Variants in IL1RAP observed in about 807,000 individuals in gnomAD.
IL1RAP encodes the protein interleukin 1 receptor accessory protein.
IL1RAP carries 35 observed loss-of-function variants against 60.7 expected under a neutral mutation model. The observed-to-expected ratio is 0.58, with a 90% confidence interval of 0.44 to 0.76. The LOEUF (loss-of-function observed/expected upper bound fraction) is 0.76. Among genes scored for constraint, IL1RAP ranks in the 30% least tolerant of loss-of-function variants. The probability of loss-of-function intolerance (pLI) is 0.00; values close to 1 mark genes in which losing one functional copy is unlikely to be tolerated. For synonymous variants in IL1RAP, 268 were observed against 250.9 expected (o/e 1.07, Z -0.64); for missense variants, 572 against 693.9 (o/e 0.82, Z 1.97).
At chr3:190,572,404 GAGA>G (rs1300482139) in intron 3 of IL1RAP, among the ~76,000 whole-genome samples, 10 of 152,046 alleles carry the variant, frequency 6.6e-5, no homozygotes, top group African/African-American at 2.4e-4. Flanking sequence ...TAAGAAAAAA[GAGA>G]AGAAGGAGAG....
intron 9 of IL1RAP, 102 bp from the exon 10 acceptor site, chr3:190,644,146 T>G (rs1577816819): frequency 4.0e-6 from 6 of 1,483,348 alleles, no homozygotes; most frequent in South Asian, 1.4e-5. Flanking sequence ...CATAGGCAGG[T>G]GCATAGCTAA....
intron 1 of IL1RAP, among the ~76,000 whole-genome samples, chr3:190,541,809 C>T (rs11917184): frequency 0.015 from 2,265 of 152,222 alleles, 51 homozygotes; most frequent in African/African-American, 0.052. Flanking sequence ...CAACAACCAT[C>T]ATTATCACTT....
intron 1 of IL1RAP, among the ~76,000 whole-genome samples, chr3:190,520,933 T>G (rs1192318824): frequency 1.3e-5 from 2 of 152,202 alleles, no homozygotes; most frequent in Admixed American, 6.5e-5. Context: ...CTTAAAATTG[T>G]GTTTCCATAA....
chr3:190,636,948 G>T (rs935214349), intron 9 of IL1RAP, among the ~76,000 whole-genome samples: 1 of 151,626 alleles, frequency 6.6e-6, no homozygotes, highest in Non-Finnish European at 1.5e-5. Context: ...CTTTTTGTTT[G>T]GGGCTTGTTT....
rs945591422 is a variant in IL1RAP at position 190,522,495 on chromosome 3, A to G, written c.-89+8276A>G. 3.3e-5 allele frequency among the ~76,000 whole-genome samples: 5 copies of G among 152,040 alleles called. No homozygotes were observed. In the East Asian group the frequency reaches 9.7e-4, roughly 30 times the overall value. ...TATTAATAAGGTTCAAGTAAGAAAA[A>G]ATATATTAAGCCTCTAGCTTTTAAT... On this transcript the variant is annotated intron_variant, in intron 1 of 11. Coordinates refer to ENST00000447382, the MANE Select transcript of IL1RAP (RefSeq NM_002182.4).
intron 3 of IL1RAP, among the ~76,000 whole-genome samples, chr3:190,583,439 T>G (rs1333973710): frequency 6.6e-6 from 1 of 152,268 alleles, no homozygotes; most frequent in Non-Finnish European, 1.5e-5. Context: ...ATGTAGTTAC[T>G]GATCTCTGTT....
chr3:190,625,269 C>A (rs996735364), intron 7 of IL1RAP: 1 of 152,098 alleles, frequency 6.6e-6, no homozygotes, highest in Non-Finnish European at 1.5e-5. Flanking sequence ...ATGGAGTCCT[C>A]TTTGGGGTAG....
rs1200775636 is a variant in IL1RAP, at chr3:190,572,859, GTT to G, written c.64+8527_64+8528del. ...TCAGCATGTCCAGGGTTAATGCTTT[GTT>G]TTTTTTTTTTTTTTTTTTTTGAGAC... On this transcript the variant is annotated intron_variant, in intron 3 of 11. Transcript: ENST00000447382. Among the ~76,000 whole-genome samples, 180 of 39,042 alleles carry G rather than the reference GTT, an allele frequency of 4.6e-3. 8 individuals are homozygous for G. Among genetic ancestry groups the G allele is most frequent in the African/African-American group, 0.021 (171 of 8,276 alleles). 25.6% of individuals were successfully genotyped at this position (39,042 alleles called of 152,430 possible).
intron 1 of IL1RAP, among the ~76,000 whole-genome samples, chr3:190,541,024 G>C (rs1011346283): frequency 6.6e-6 from 1 of 152,038 alleles, no homozygotes; most frequent in Non-Finnish European, 1.5e-5. Context: ...TTGGCCAGAG[G>C]AAAAACAAAC....
At chr3:190,554,336 A>G (rs9825312) in intron 1 of IL1RAP, among the ~76,000 whole-genome samples, 83,469 of 151,450 alleles carry the variant, frequency 0.55, 24,984 homozygotes, top group Non-Finnish European at 0.66. Context: ...CGCCTCACAG[A>G]TTGAAACCCT....
downstream of IL1RAP, among the ~76,000 whole-genome samples, chr3:190,653,802 A>C (rs78280442): frequency 0.018 from 2,732 of 152,322 alleles, 60 homozygotes; most frequent in East Asian, 0.053. Context: ...CTTTAGCATT[A>C]AAAATAATAG....
chr3:190,604,358 C>T lies in IL1RAP; in HGVS notation c.295C>T (p.Leu99=). The change falls in exon 4 of 12, where the codon CTG becomes TTG. Residue 99 remains leucine, a synonymous_variant. Coordinates refer to ENST00000447382, the MANE Select transcript of IL1RAP (RefSeq NM_002182.4). ...ENRISKEKDV[L]WFRPTLLNDT... is the part of the protein sequence containing the mutation. ...CCGCATTAGTAAGGAGAAAGATGTG[C>T]TGTGGTTCCGGCCCACTCTCCTCAA... The T allele has an allele frequency of 1.2e-6, 2 of 1,613,868 alleles. No individual in the cohort carries two copies. The highest frequency in any genetic ancestry group is 1.7e-6 in the Non-Finnish European group (2 of 1,179,972).
In IL1RAP at chr3:190,526,426, T is replaced by C. The variant is rs576500254; in HGVS notation, c.-89+12207T>C. 1.5e-3 allele frequency among the ~76,000 whole-genome samples: 224 copies of C among 152,370 alleles called. 2 individuals are homozygous for C. The highest frequency in any genetic ancestry group is 5.1e-3 in the African/African-American group (211 of 41,600). ...CCCACTTACTTTGTGGTGCCTTATA[T>C]GAAGGAATAGTTCAATAAGCGTATT... On this transcript the variant is annotated intron_variant, in intron 1 of 11. Coordinates refer to ENST00000447382, the MANE Select transcript of IL1RAP (RefSeq NM_002182.4).
chr3:190,562,694 CCA>C (rs56393536), intron 2 of IL1RAP, among the ~76,000 whole-genome samples: 12,130 of 146,432 alleles, frequency 0.083, 599 homozygotes, highest in African/African-American at 0.14. Flanking sequence ...CATATCTCGT[CCA>C]CACACACACA....
At chr3:190,611,318 T>A (rs1165133216) in intron 5 of IL1RAP, among the ~76,000 whole-genome samples, 1 of 152,178 alleles carries the variant, frequency 6.6e-6, no homozygotes, top group Non-Finnish European at 1.5e-5. Context: ...AGCCTTTGGA[T>A]CCCACTGTCA....
At chr3:190,524,110 A>T (rs1577498633) in intron 1 of IL1RAP, among the ~76,000 whole-genome samples, 1 of 152,186 alleles carries the variant, frequency 6.6e-6, no homozygotes, top group East Asian at 1.9e-4. Context: ...AATTTCTCTA[A>T]TGATTAGTGA....
At chr3:190,538,704 C>A (rs1723672434) in intron 1 of IL1RAP, among the ~76,000 whole-genome samples, 1 of 152,082 alleles carries the variant, frequency 6.6e-6, no homozygotes, top group Non-Finnish European at 1.5e-5. Context: ...CTGTATCCCA[C>A]CTAAATTTCA....
intron 5 of IL1RAP, among the ~76,000 whole-genome samples, chr3:190,612,908 TA>T (rs1385936625): frequency 2.0e-5 from 3 of 152,200 alleles, no homozygotes; most frequent in African/African-American, 7.2e-5. Context: ...AGTTAAGGAA[TA>T]TCTGTATACT....
intron 1 of IL1RAP, among the ~76,000 whole-genome samples, chr3:190,522,490 G>A (rs1490018637): frequency 1.3e-5 from 2 of 151,532 alleles, no homozygotes; most frequent in Non-Finnish European, 2.9e-5. Context: ...GTTCAAGTAA[G>A]AAAAAATATA....
Sources: gnomAD v4.1 joint callset for allele counts (sites outside exome capture counted in the v4.1 genomes callset) on GRCh38, gnomAD v4.1.1 for gene constraint, MANE v1.5 for transcripts, NCBI Gene and HGNC (gene_info 2026-07-23, HGNC 2026-07-21) for gene names.